Variants in TENM3 observed in about 807,000 individuals in gnomAD.
TENM3 encodes the protein teneurin transmembrane protein 3.
In TENM3, 63 loss-of-function variants were observed where a neutral mutation model predicts 255.1. The observed-to-expected ratio is 0.25, with a 90% CI of 0.20 to 0.30. The LOEUF (loss-of-function observed/expected upper bound fraction) is 0.30, where lower values mean the gene tolerates loss of function less well. TENM3 is among the 10% of genes least tolerant of loss of function. The pLI is 1.00. For synonymous variants in TENM3, 1,306 were observed against 1,322.3 expected (o/e 0.99, Z 0.27); for missense variants, 2,929 against 3,461.1 (o/e 0.85, Z 3.86).
the TENM3 span, among the ~76,000 whole-genome samples, chr4:182,088,864 C>T: frequency 6.6e-6 from 1 of 151,498 alleles, no homozygotes; most frequent in Non-Finnish European, 1.5e-5. Context: ...AGAGAGACAG[C>T]CAAAGCAAAG....
chr4:181,913,787 G>A, the TENM3 span, among the ~76,000 whole-genome samples: 23 of 152,266 alleles, frequency 1.5e-4, no homozygotes, highest in African/African-American at 5.5e-4. Flanking sequence ...CTTTGAGGAG[G>A]AACTCAGAAC....
chr4:182,341,416 C>A (rs76055265), intron 2 of TENM3, among the ~76,000 whole-genome samples: 1 of 152,210 alleles, frequency 6.6e-6, no homozygotes, highest in East Asian at 1.9e-4. Context: ...GGGTCCTTTT[C>A]CTTAATTTCC....
chr4:181,562,133 C>T, the TENM3 span, among the ~76,000 whole-genome samples: 2 of 152,002 alleles, frequency 1.3e-5, no homozygotes, highest in African/African-American at 2.4e-5. Flanking sequence ...ATATTTTTCC[C>T]AGTTTTATGT....
intron 12 of TENM3, among the ~76,000 whole-genome samples, chr4:182,689,732 T>C (rs1346014837): frequency 2.0e-5 from 3 of 152,214 alleles, no homozygotes; most frequent in Non-Finnish European, 2.9e-5. Flanking sequence ...CAGGGAAGCC[T>C]GTTCGAGACT....
chr4:182,763,674 A>G (rs1484926451), intron 22 of TENM3, among the ~76,000 whole-genome samples: 1 of 152,256 alleles, frequency 6.6e-6, no homozygotes, highest in Non-Finnish European at 1.5e-5. Flanking sequence ...AGTTAGCGTT[A>G]TAGTAATAAA....
At chr4:181,673,045 A>C in the TENM3 span, among the ~76,000 whole-genome samples, 1 of 152,196 alleles carries the variant, frequency 6.6e-6, no homozygotes, top group African/African-American at 2.4e-5. Context: ...AAACTCAACA[A>C]AATAACCTAA....
At chr4:182,779,605 C>T (rs1305865593) in intron 24 of TENM3, among the ~76,000 whole-genome samples, 4 of 152,166 alleles carry the variant, frequency 2.6e-5, no homozygotes, top group African/African-American at 9.7e-5. Context: ...AATGGTATTT[C>T]CAGTTCTAGA....
At chr4:181,811,065 C>A in the TENM3 span, among the ~76,000 whole-genome samples, 1 of 152,044 alleles carries the variant, frequency 6.6e-6, no homozygotes, top group Non-Finnish European at 1.5e-5. Context: ...CAGTAAGCAG[C>A]GAGAAATTTG....
At chr4:182,778,121 A>G (rs571311199) in intron 24 of TENM3, among the ~76,000 whole-genome samples, 48 of 152,228 alleles carry the variant, frequency 3.2e-4, no homozygotes, top group African/African-American at 1.2e-3. Context: ...GTGCTTTATA[A>G]TATTTACTAA....
At chr4:182,680,069 G>GGA (rs1418664628) in intron 8 of TENM3, among the ~76,000 whole-genome samples, 179 bp from the exon 9 acceptor site, 1 of 152,152 alleles carries the variant, frequency 6.6e-6, no homozygotes, top group Non-Finnish European at 1.5e-5. Flanking sequence ...AATATTTTCT[G>GGA]GAATTACCTT....
At chr4:182,769,826 C>T (rs376044371) in intron 22 of TENM3, among the ~76,000 whole-genome samples, 10 of 151,608 alleles carry the variant, frequency 6.6e-5, no homozygotes, top group East Asian at 3.9e-4. Flanking sequence ...TCCTTTTGGC[C>T]GGGCGTGGTG....
At chr4:181,593,719 C>T in the TENM3 span, among the ~76,000 whole-genome samples, 9 of 152,238 alleles carry the variant, frequency 5.9e-5, no homozygotes, top group African/African-American at 2.2e-4. Context: ...GGGAAGGAGA[C>T]CATAAGCTTT....
intron 3 of TENM3, among the ~76,000 whole-genome samples, chr4:182,442,542 T>A (rs1441708981): frequency 2.6e-5 from 4 of 152,216 alleles, no homozygotes; most frequent in Admixed American, 2.6e-4. Context: ...GTAATACATT[T>A]AATTTCAAAG....
chr4:182,682,550 A>G (rs935152983), intron 11 of TENM3, among the ~76,000 whole-genome samples: 1 of 152,236 alleles, frequency 6.6e-6, no homozygotes, highest in Non-Finnish European at 1.5e-5. Context: ...GTTATTGAGC[A>G]CTTACTATGT....
At chr4:182,571,925 A>G (rs1244236682) in intron 3 of TENM3, among the ~76,000 whole-genome samples, 1 of 152,194 alleles carries the variant, frequency 6.6e-6, no homozygotes, top group Non-Finnish European at 1.5e-5. Context: ...GTTTTGAGAC[A>G]GAGTCTCGCT....
At chr4:181,917,490 C>T in the TENM3 span, among the ~76,000 whole-genome samples, 1 of 151,970 alleles carries the variant, frequency 6.6e-6, no homozygotes, top group African/African-American at 2.4e-5. Context: ...ATAAAATCCT[C>T]AAGGGCAGAG....
At chr4:181,467,119 ATATATATTTTTTTTTT>A in the TENM3 span, among the ~76,000 whole-genome samples, 21,594 of 56,312 alleles carry the variant, frequency 0.38, 3,296 homozygotes, top group Non-Finnish European at 0.43. Context: ...ATATATATAT[ATATATATTTTTTTTTT>A]TTTTTTTTTT....
the TENM3 span, among the ~76,000 whole-genome samples, chr4:181,721,544 G>A: frequency 3.9e-5 from 2 of 50,648 alleles, no homozygotes; most frequent in Non-Finnish European, 8.6e-5. Flanking sequence ...AGCTTGCAGT[G>A]AGCCGAGATC....
chr4:182,757,647 T>TA (rs1762837867), intron 22 of TENM3, among the ~76,000 whole-genome samples: 1 of 152,144 alleles, frequency 6.6e-6, no homozygotes, highest in Non-Finnish European at 1.5e-5. Flanking sequence ...TTTTACCTTT[T>TA]AAAGAAATGA....
Sources: gnomAD v4.1 joint callset for allele counts (sites outside exome capture counted in the v4.1 genomes callset) on GRCh38, gnomAD v4.1.1 for gene constraint, MANE v1.5 for transcripts, NCBI Gene and HGNC (gene_info 2026-07-23, HGNC 2026-07-21) for gene names.